Variants in L3MBTL4 observed in about 807,000 individuals in gnomAD.
L3MBTL4 encodes the protein L3MBTL histone methyl-lysine binding protein 4.
In L3MBTL4, 70 loss-of-function variants were observed where a neutral mutation model predicts 84.5. The observed-to-expected ratio is 0.83, with a 90% CI of 0.68 to 1.01. The LOEUF is 1.01. Ranked by LOEUF, L3MBTL4 falls within the 50% of genes least tolerant of loss-of-function variation. L3MBTL4 has a pLI of 0.00. For missense variants in L3MBTL4, 715 were observed against 754.8 expected (o/e 0.95, Z 0.62); for synonymous variants, 274 against 259.8 (o/e 1.05, Z -0.52).
At chr18:6,196,239 G>C (rs966102649) in intron 12 of L3MBTL4, among the ~76,000 whole-genome samples, 1 of 146,890 alleles carries the variant, frequency 6.8e-6, no homozygotes, top group African/African-American at 2.6e-5. Flanking sequence ...CTCACTGCAA[G>C]CTCCACCTCC....
intron 12 of L3MBTL4, among the ~76,000 whole-genome samples, chr18:6,191,136 C>G (rs770592100): frequency 5.3e-5 from 8 of 152,184 alleles, no homozygotes; most frequent in Non-Finnish European, 1.0e-4. Context: ...ATGACATGAT[C>G]TGACTTGTGT....
chr18:6,299,354 T>C (rs2050235353), intron 4 of L3MBTL4, among the ~76,000 whole-genome samples: 1 of 152,176 alleles, frequency 6.6e-6, no homozygotes, highest in Admixed American at 6.5e-5. Flanking sequence ...CTCATCAAGA[T>C]TCTAGTTTTC....
intron 10 of L3MBTL4, among the ~76,000 whole-genome samples, chr18:6,226,478 G>A (rs2046788514): frequency 6.6e-6 from 1 of 152,040 alleles, no homozygotes; most frequent in South Asian, 2.1e-4. Flanking sequence ...TACGGTAACA[G>A]CCTTTACGAG....
chr18:6,343,619 AC>A (rs2052721399), intron 1 of L3MBTL4, among the ~76,000 whole-genome samples: 1 of 149,386 alleles, frequency 6.7e-6, no homozygotes, highest in Non-Finnish European at 1.5e-5. Flanking sequence ...TCAAGATCGC[AC>A]CACTGCACTC....
chr18:6,230,717 A>G (rs1419776239), intron 10 of L3MBTL4, among the ~76,000 whole-genome samples: 1 of 152,174 alleles, frequency 6.6e-6, no homozygotes, highest in African/African-American at 2.4e-5. Context: ...CGCAATGTAT[A>G]AGTGTTCACT....
intron 4 of L3MBTL4, among the ~76,000 whole-genome samples, chr18:6,269,974 T>TA: frequency 6.6e-6 from 1 of 152,342 alleles, no homozygotes; most frequent in East Asian, 1.9e-4. Context: ...AGAGTGGCCC[T>TA]TTCCCAATTC....
chr18:6,231,574 G>A (rs1186633313), intron 10 of L3MBTL4, among the ~76,000 whole-genome samples: 1 of 152,044 alleles, frequency 6.6e-6, no homozygotes, highest in Non-Finnish European at 1.5e-5. Flanking sequence ...GTGTCACCCT[G>A]AAGTTCTTTC....
intron 7 of L3MBTL4, among the ~76,000 whole-genome samples, chr18:6,242,129 T>G (rs2047476431): frequency 1.3e-5 from 2 of 152,182 alleles, no homozygotes; most frequent in South Asian, 4.1e-4. Flanking sequence ...TCAAACTCCC[T>G]GCACAGCCTT....
chr18:6,071,927 C>T (rs1034968261), intron 16 of L3MBTL4, among the ~76,000 whole-genome samples: 14 of 152,032 alleles, frequency 9.2e-5, no homozygotes, highest in Non-Finnish European at 1.3e-4. Flanking sequence ...AAAAATCACA[C>T]GCCACTTGGA....
intron 1 of L3MBTL4, among the ~76,000 whole-genome samples, chr18:6,379,236 C>A (rs2054499066): frequency 6.6e-6 from 1 of 152,148 alleles, no homozygotes; most frequent in Admixed American, 6.5e-5. Flanking sequence ...ATGGGGTTTT[C>A]TAAATACACA....
intron 3 of L3MBTL4, among the ~76,000 whole-genome samples, chr18:6,305,126 T>C (rs2146874856): frequency 6.6e-6 from 1 of 152,352 alleles, no homozygotes; most frequent in South Asian, 2.1e-4. Context: ...AAGATTATAT[T>C]GTGTATATCA....
intron 4 of L3MBTL4, among the ~76,000 whole-genome samples, chr18:6,267,900 T>C (rs922906752): frequency 6.6e-6 from 1 of 152,234 alleles, no homozygotes; most frequent in African/African-American, 2.4e-5. Context: ...CCTCAGAGCC[T>C]GTAGACGGGT....
chr18:6,251,905 A>G (rs1171284371), intron 5 of L3MBTL4, among the ~76,000 whole-genome samples: 1 of 152,214 alleles, frequency 6.6e-6, no homozygotes, highest in East Asian at 1.9e-4. Flanking sequence ...ACACACGACT[A>G]CCAATTTGGA....
chr18:6,181,802 G>C (rs1407630281), intron 12 of L3MBTL4, among the ~76,000 whole-genome samples: 1 of 152,168 alleles, frequency 6.6e-6, no homozygotes, highest in Non-Finnish European at 1.5e-5. Context: ...TAGGATAACG[G>C]TCTCCAGCTC....
chr18:6,165,438 C>T lies in L3MBTL4; in HGVS notation c.1096+6390G>A, dbSNP rs374907407. ...GGTAAGGGCAGCCAGAGAGAAAGGT[C>T]GGGTTACCCACAAAGGGAAGCCCGT... On this transcript the variant is annotated intron_variant, in intron 13 of 18. Coordinates refer to ENST00000317931, the MANE Select transcript of L3MBTL4 (RefSeq NM_001330559.2). Among the ~76,000 whole-genome samples the T allele has an allele frequency of 3.9e-5, 6 of 152,266 alleles. No homozygotes were observed. In the East Asian group the frequency reaches 1.2e-3, roughly 29 times the overall value.
At position 5,954,737 on chromosome 18, in the gene L3MBTL4, A is replaced by G. The variant is rs1254449782; in HGVS notation, c.*1483T>C. ...ATAAATTTTGTTTTCTCTGTTTATT[A>G]TCATTTAAAATATATTAAAATTTTA... is the stretch of plus-strand genomic sequence containing the variant. On this transcript the variant is annotated 3_prime_UTR_variant, in exon 19 of 19. Transcript: ENST00000317931. 6.6e-6 allele frequency: 1 copy of G among 152,212 alleles called. No homozygotes were observed. The highest frequency in any genetic ancestry group is 2.4e-5 in the African/African-American group (1 of 41,448). 9.4% of individuals were successfully genotyped at this position (152,212 alleles called of 1,614,324 possible). A position where few individuals can be genotyped will look rare whatever the true frequency, so the allele number is the denominator to read the frequency against.
chr18:6,020,680 T>C (rs1418162134), intron 16 of L3MBTL4, among the ~76,000 whole-genome samples: 1 of 151,996 alleles, frequency 6.6e-6, no homozygotes, highest in African/African-American at 2.4e-5. Context: ...ATCAATAGGT[T>C]TGGTTTCTAA....
At chr18:6,190,292 G>A (rs544228403) in intron 12 of L3MBTL4, among the ~76,000 whole-genome samples, 25 of 152,308 alleles carry the variant, frequency 1.6e-4, no homozygotes, top group Admixed American at 7.2e-4. Flanking sequence ...CTGTAGTGTT[G>A]GCTGACGAGG....
chr18:5,959,643 C>A (rs995368840), intron 18 of L3MBTL4, among the ~76,000 whole-genome samples: 2 of 152,124 alleles, frequency 1.3e-5, no homozygotes, highest in African/African-American at 2.4e-5. Flanking sequence ...GTAGACAAAT[C>A]CCCAATCTTT....
Sources: gnomAD v4.1 joint callset for allele counts (sites outside exome capture counted in the v4.1 genomes callset) on GRCh38, gnomAD v4.1.1 for gene constraint, MANE v1.5 for transcripts, NCBI Gene and HGNC (gene_info 2026-07-23, HGNC 2026-07-21) for gene names.